Variants in TAF4 observed in about 807,000 individuals in gnomAD.
TAF4 encodes the protein TATA-box binding protein associated factor 4.
A neutral mutation model predicts 90.3 loss-of-function variants in TAF4; 9 were observed. That is an observed-to-expected ratio of 0.10 (90% CI 0.06 to 0.17). TAF4 has a LOEUF of 0.17. TAF4 is among the 10% of genes least tolerant of loss of function. The pLI, the probability that TAF4 is intolerant of heterozygous loss-of-function variation, is 1.00. For synonymous variants in TAF4, 818 were observed against 638.9 expected (o/e 1.28, Z -4.23); for missense variants, 1,351 against 1,370.7 (o/e 0.99, Z 0.23).
At chr20:61,996,460 G>GA (rs776352633) in intron 14 of TAF4, among the ~76,000 whole-genome samples, 116 of 152,244 alleles carry the variant, frequency 7.6e-4, no homozygotes, top group Non-Finnish European at 1.2e-3. Flanking sequence ...TCGCAAGAAA[G>GA]AAAAAATCAG....
chr20:62,003,669 T>A, intron 8 of TAF4, 62 bp downstream of exon 8: 1 of 1,492,188 alleles, frequency 6.7e-7, no homozygotes, highest in Non-Finnish European at 8.9e-7. Flanking sequence ...AAAAGCCCAA[T>A]GGCAGCTGGC....
chr20:61,978,587 G>A (rs554237214), intron 14 of TAF4, among the ~76,000 whole-genome samples: 120 of 148,468 alleles, frequency 8.1e-4, no homozygotes, highest in South Asian at 2.6e-3. Context: ...GGCCGGGGGC[G>A]AGACCAACCA....
chr20:61,990,464 A>G (rs2055624280), intron 14 of TAF4, among the ~76,000 whole-genome samples: 1 of 152,216 alleles, frequency 6.6e-6, no homozygotes, highest in African/African-American at 2.4e-5. Flanking sequence ...AAGCCAGCGG[A>G]CAATCTTTAG....
chr20:62,065,348 CG>C lies in TAF4; in HGVS notation c.462del (p.Ala155ProfsTer44). ...GGGCCGGCGGGCTTGGCGGGGCCGGCGGGGGCGGGCTCGGGCCCCGCGGCGA... is the reference window on the plus strand; with the variant it reads ...GGGCCGGCGGGCTTGGCGGGGCCGGCGGGGCGGGCTCGGGCCCCGCGGCGA... ...AAVAAGPEPA[P>X]AGPAKPAGPA... On this transcript the variant is annotated frameshift_variant, in exon 1 of 15. Transcript: ENST00000252996. LOFTEE classifies it high-confidence loss of function. 1 of 952,782 alleles carries C rather than the reference CG, an allele frequency of 1.0e-6. No homozygotes were observed. Among genetic ancestry groups the C allele is most frequent in the Non-Finnish European group, 1.2e-6 (1 of 812,734 alleles). The allele number at this position is 952,782 out of a possible 1,614,324, so 59.0% of individuals were successfully genotyped here. A position where few individuals can be genotyped will look rare whatever the true frequency, so the allele number is the denominator to read the frequency against.
intron 1 of TAF4, among the ~76,000 whole-genome samples, chr20:62,056,865 TAC>T (rs1440137347): frequency 6.6e-6 from 1 of 152,196 alleles, no homozygotes; most frequent in Non-Finnish European, 1.5e-5. Context: ...TTTTTACACT[TAC>T]AGTTACATAA....
At chr20:62,055,278 C>G (rs36181460) in intron 1 of TAF4, among the ~76,000 whole-genome samples, 2 of 149,906 alleles carry the variant, frequency 1.3e-5, no homozygotes, top group African/African-American at 2.5e-5. Context: ...GCAAGACGAT[C>G]GATTCACGCT....
intron 1 of TAF4, among the ~76,000 whole-genome samples, chr20:62,050,837 G>T (rs1423493103): frequency 6.6e-6 from 1 of 151,594 alleles, no homozygotes; most frequent in Non-Finnish European, 1.5e-5. Flanking sequence ...CCCACACCTG[G>T]CCCCCCAGAA....
chr20:61,992,511 G>A (rs2055637813), intron 14 of TAF4, among the ~76,000 whole-genome samples: 1 of 149,780 alleles, frequency 6.7e-6, no homozygotes. Flanking sequence ...AATTCTTACT[G>A]TGAAGATAAA....
intron 11 of TAF4, among the ~76,000 whole-genome samples, chr20:61,999,413 A>T (rs946794953): frequency 3.3e-5 from 5 of 152,228 alleles, no homozygotes; most frequent in African/African-American, 1.2e-4. Flanking sequence ...TGCAACACAG[A>T]ACTACTTTTA....
chr20:62,044,990 T>A (rs1377976482), intron 1 of TAF4, among the ~76,000 whole-genome samples: 1 of 152,128 alleles, frequency 6.6e-6, no homozygotes, highest in African/African-American at 2.4e-5. Context: ...GACAAGCCAC[T>A]CAGCCCAGGG....
At chr20:62,007,498 A>G (rs1251598845) in intron 6 of TAF4, 49 bp downstream of exon 6, 1 of 1,572,334 alleles carries the variant, frequency 6.4e-7, no homozygotes, top group Non-Finnish European at 8.7e-7. Flanking sequence ...TCTGCGCCCC[A>G]CCCCTCCCTG....
chr20:62,020,810 T>C (rs924179822), intron 1 of TAF4, among the ~76,000 whole-genome samples: 3 of 151,970 alleles, frequency 2.0e-5, no homozygotes, highest in African/African-American at 4.8e-5. Context: ...GAATACAGTA[T>C]AGAAAAAGAG....
rs1346981333 is a variant in TAF4, at chr20:62,006,006, A to C, written c.2223+504T>G. The C allele has an allele frequency of 6.5e-6, 1 of 153,092 alleles. No homozygotes were observed. The highest frequency in any genetic ancestry group is 2.4e-5 in the African/African-American group (1 of 41,484). The allele number at this position is 153,092 out of a possible 1,614,324, so 9.5% of individuals were successfully genotyped here. ...TGCAGAGCAAACGTCATGACTATAA[A>C]ACCAAGAAAGCCAGATCCAAACTGC... On this transcript the variant is annotated intron_variant, in intron 7 of 14. Coordinates refer to ENST00000252996, the MANE Select transcript of TAF4 (RefSeq NM_003185.4). This position sits in a 1 kb window ranked among gnomAD's most constrained non-coding sequence, Gnocchi z 7.0.
At chr20:62,021,008 G>A (rs1051579605) in intron 1 of TAF4, among the ~76,000 whole-genome samples, 7 of 152,128 alleles carry the variant, frequency 4.6e-5, no homozygotes, top group Admixed American at 3.9e-4. Flanking sequence ...GACCTTCCCC[G>A]TGTTTCCAGG....
intron 2 of TAF4, 58 bp downstream of exon 2, chr20:62,014,489 G>A (rs888920810): frequency 2.4e-5 from 37 of 1,521,048 alleles, no homozygotes; most frequent in African/African-American, 2.1e-4. Flanking sequence ...CCCAGCATGC[G>A]TGGGGAGAGG....
At chr20:62,050,676 G>A (rs960576057) in intron 1 of TAF4, among the ~76,000 whole-genome samples, 6 of 152,200 alleles carry the variant, frequency 3.9e-5, no homozygotes, top group Non-Finnish European at 7.3e-5. Flanking sequence ...GCAGAGGCCC[G>A]CCCGGGAGGG....
chr20:61,994,252 C>T (rs1448058237), intron 14 of TAF4, among the ~76,000 whole-genome samples: 3 of 152,250 alleles, frequency 2.0e-5, no homozygotes, highest in Non-Finnish European at 4.4e-5. Context: ...GCGTGGGCTG[C>T]GGGCCTCACA....
At position 62,006,630 on chromosome 20, in the gene TAF4, C is replaced by G; in HGVS notation, c.2103G>C (p.Ser701=). Residue 701 remains serine, a synonymous_variant, in exon 7 of 15, where the codon TCG becomes TCC. Transcript: ENST00000252996. The surrounding 1 kb of genome is among the most constrained non-coding windows in gnomAD (Gnocchi z 7.0). ...TALTAVVLSS[S]VQRTAGKTAA... ...CCGTCTTCCCGGCCGTGCGCTGGAC[C>G]GAGCTACTCAGCACCACGGCCGTGA... 1.9e-6 allele frequency: 3 copies of G among 1,604,110 alleles called. No homozygotes were observed. The highest frequency in any genetic ancestry group is 2.6e-6 in the Non-Finnish European group (3 of 1,174,838).
intron 11 of TAF4, among the ~76,000 whole-genome samples, chr20:61,999,338 G>A (rs948056472): frequency 2.6e-5 from 4 of 152,208 alleles, no homozygotes; most frequent in African/African-American, 4.8e-5. Flanking sequence ...ACACTTGTGG[G>A]AGAGTGTCCC....
Sources: allele counts gnomAD v4.1 joint callset (sites outside exome capture counted in the v4.1 genomes callset), GRCh38; gene constraint gnomAD v4.1.1; non-coding constraint Gnocchi (gnomAD v3.1); transcripts MANE v1.5; gene names NCBI Gene and HGNC (gene_info 2026-07-23, HGNC 2026-07-21).